The following FAM78B variants were observed in gnomAD, a reference collection of about 807,000 sequenced individuals.
FAM78B encodes the protein protein FAM78B.
In FAM78B, 10 loss-of-function variants were observed where a neutral mutation model predicts 20.0. The ratio of observed to expected loss-of-function variants is 0.50; its 90% CI spans 0.31 to 0.85. FAM78B has a LOEUF of 0.85. Among genes scored for constraint, FAM78B ranks in the 40% least tolerant of loss-of-function variants. The pLI, the probability that FAM78B is intolerant of heterozygous loss-of-function variation, is 0.05. For missense variants in FAM78B, 283 were observed against 345.0 expected, an observed-to-expected ratio of 0.82 and a Z score of 1.42; for synonymous variants, 135 against 132.8, an observed-to-expected ratio of 1.02 and a Z score of -0.12.
intron 1 of FAM78B, chr1:166,148,082 G>GA (rs1655532543): frequency 6.6e-6 from 1 of 152,178 alleles, no homozygotes; most frequent in African/African-American, 2.4e-5. Flanking sequence ...TAACAACAGT[G>GA]AATCTCTCAC....
At chr1:166,086,073 C>CT (rs77694495) in intron 1 of FAM78B, among the ~76,000 whole-genome samples, 3,600 of 132,892 alleles carry the variant, frequency 0.027, 118 homozygotes, top group African/African-American at 0.07. Flanking sequence ...CTATGTTACT[C>CT]TTTTTTTTTT....
At chr1:166,096,147 A>G (rs1197648337) in intron 1 of FAM78B, among the ~76,000 whole-genome samples, 1 of 152,184 alleles carries the variant, frequency 6.6e-6, no homozygotes, top group African/African-American at 2.4e-5. Flanking sequence ...AAGAAACTCA[A>G]ATTGCCAGTC....
At chr1:166,139,480 CCGAGA>C (rs1283245092) in intron 1 of FAM78B, among the ~76,000 whole-genome samples, 2 of 151,860 alleles carry the variant, frequency 1.3e-5, no homozygotes, top group African/African-American at 4.8e-5. Context: ...GTGGAGACAC[CCGAGA>C]CAATAATTAA....
intron 1 of FAM78B, among the ~76,000 whole-genome samples, chr1:166,154,030 A>G (rs558265017): frequency 6.6e-6 from 1 of 152,336 alleles, no homozygotes; most frequent in Admixed American, 6.5e-5. Context: ...ACTAAAAGCC[A>G]CAACAGAGAC....
intron 1 of FAM78B, among the ~76,000 whole-genome samples, chr1:166,078,271 C>T (rs1223380648): frequency 3.3e-5 from 5 of 151,902 alleles, no homozygotes; most frequent in African/African-American, 9.7e-5. Flanking sequence ...CCTGGTGATC[C>T]GCCTGCCTCG....
intron 1 of FAM78B, among the ~76,000 whole-genome samples, chr1:166,109,830 A>ATATATATATATATATATGTATG (rs1166369991): frequency 4.9e-5 from 1 of 20,514 alleles, no homozygotes; most frequent in Admixed American, 5.8e-4. Context: ...ATATATATAT[A>ATATATATATATATATATGTATG]TGTATATATG....
chr1:166,064,037 AG>A (rs1651709286), intron 2 of FAM78B, among the ~76,000 whole-genome samples: 1 of 152,044 alleles, frequency 6.6e-6, no homozygotes, highest in Admixed American at 6.6e-5. Flanking sequence ...CAGCTGGGAG[AG>A]GCACAGTTTG....
chr1:166,121,881 G>A (rs1021805878), intron 1 of FAM78B, among the ~76,000 whole-genome samples: 1 of 152,156 alleles, frequency 6.6e-6, no homozygotes, highest in Non-Finnish European at 1.5e-5. Context: ...TGTACACACA[G>A]CAGGGCCCAC....
Position 166,166,803 on chromosome 1 carries a change from G to C in FAM78B, c.-555C>G, listed in dbSNP as rs913225884. Reference sequence around the variant, plus strand: ...AGCGGCGGGCGAGCGGGCGGCCCAAGAGGCAGGCGGAGGCAGCAGCGGCGG... The same window carrying C: ...AGCGGCGGGCGAGCGGGCGGCCCAACAGGCAGGCGGAGGCAGCAGCGGCGG... On this transcript the variant is annotated 5_prime_UTR_variant, in exon 1 of 2. Transcript: ENST00000354422. 6.6e-6 allele frequency: 1 copy of C among 150,610 alleles called. No individual in the cohort carries two copies. Among genetic ancestry groups the C allele is most frequent in the Non-Finnish European group, 1.5e-5 (1 of 67,710 alleles). The allele number at this position is 150,610 out of a possible 1,614,324, so 9.3% of individuals were successfully genotyped here.
chr1:166,086,705 T>C (rs1267462049), intron 1 of FAM78B, among the ~76,000 whole-genome samples: 2 of 152,026 alleles, frequency 1.3e-5, no homozygotes, highest in Non-Finnish European at 2.9e-5. Flanking sequence ...GGGCAGGAGA[T>C]ATAAAGATGC....
chr1:166,075,617 G>A (rs1487642215), intron 1 of FAM78B, among the ~76,000 whole-genome samples: 1 of 152,184 alleles, frequency 6.6e-6, no homozygotes, highest in African/African-American at 2.4e-5. Context: ...ATGGTGTCTG[G>A]CACATGATGC....
intron 1 of FAM78B, among the ~76,000 whole-genome samples, chr1:166,145,853 A>G (rs987243712): frequency 1.3e-5 from 2 of 152,216 alleles, no homozygotes; most frequent in Admixed American, 1.3e-4. Flanking sequence ...GAGTCAGAAG[A>G]TACTGTTTTA....
At chr1:166,113,730 G>T (rs895742326) in intron 1 of FAM78B, among the ~76,000 whole-genome samples, 54 of 152,330 alleles carry the variant, frequency 3.5e-4, no homozygotes, top group African/African-American at 1.3e-3. Flanking sequence ...GCCTTAAGCA[G>T]CCCTGGGCAG....
chr1:166,097,453 A>T (rs1445384471), intron 1 of FAM78B, among the ~76,000 whole-genome samples: 9 of 152,222 alleles, frequency 5.9e-5, no homozygotes. Flanking sequence ...AGAGGCAGAT[A>T]GCCAGGGGCA....
chr1:166,064,482 C>A (rs866032341), downstream of FAM78B, among the ~76,000 whole-genome samples: 11 of 152,164 alleles, frequency 7.2e-5, no homozygotes, highest in African/African-American at 2.7e-4. Context: ...AGCCTCCTTT[C>A]CTTTCCAAAA....
intron 1 of FAM78B, among the ~76,000 whole-genome samples, chr1:166,115,575 T>C (rs1654222857): frequency 6.6e-6 from 1 of 152,214 alleles, no homozygotes; most frequent in Non-Finnish European, 1.5e-5. Flanking sequence ...GTGCCGGGGA[T>C]GTCCTAGGGC....
At chr1:166,064,317 G>A (rs148883829), downstream of FAM78B, among the ~76,000 whole-genome samples, 38 of 152,196 alleles carry the variant, frequency 2.5e-4, no homozygotes, top group African/African-American at 8.7e-4. Context: ...ACTGTGTAGA[G>A]ACCCACATAA....
At chr1:166,090,671 T>C (rs1653031067) in intron 1 of FAM78B, among the ~76,000 whole-genome samples, 1 of 152,178 alleles carries the variant, frequency 6.6e-6, no homozygotes, top group South Asian at 2.1e-4. Context: ...CTGTCCTGGG[T>C]GCAGGCGACA....
At chr1:166,092,866 T>G (rs528243800) in intron 1 of FAM78B, among the ~76,000 whole-genome samples, 2 of 152,274 alleles carry the variant, frequency 1.3e-5, no homozygotes, top group East Asian at 1.9e-4. Context: ...AATAAGTCAC[T>G]TGTTAAATCC....
Sources: gnomAD v4.1 joint callset for allele counts (sites outside exome capture counted in the v4.1 genomes callset) on GRCh38, gnomAD v4.1.1 for gene constraint, MANE v1.5 for transcripts, NCBI Gene and HGNC (gene_info 2026-07-23, HGNC 2026-07-21) for gene names.